Variants in STARD13 observed in about 807,000 individuals in gnomAD.
The protein encoded by STARD13 is stAR-related lipid transfer protein 13.
STARD13 carries 62 observed loss-of-function variants against 106.4 expected under a neutral mutation model. The observed-to-expected ratio is 0.58, with a 90% confidence interval of 0.48 to 0.72. The LOEUF is 0.72. Ranked by LOEUF, STARD13 falls within the 30% of genes least tolerant of loss-of-function variation. STARD13 has a pLI of 0.00. For synonymous variants in STARD13, 565 were observed against 553.0 expected (o/e 1.02, Z -0.31); for missense variants, 1,387 against 1,424.0 (o/e 0.97, Z 0.42).
chr13:33,556,839 C>G, the STARD13 span, among the ~76,000 whole-genome samples: 1 of 152,018 alleles, frequency 6.6e-6, no homozygotes, highest in Non-Finnish European at 1.5e-5. Context: ...GTGATCTTGG[C>G]TTCTCCTGGG....
chr13:33,127,993 A>T (rs1434154809), intron 5 of STARD13, among the ~76,000 whole-genome samples: 1 of 119,332 alleles, frequency 8.4e-6, no homozygotes, highest in Non-Finnish European at 2.0e-5. Context: ...GATAGAAAAG[A>T]GAGAGACAGA....
At chr13:33,341,013 T>C (rs1352075853) in intron 1 of STARD13, among the ~76,000 whole-genome samples, 2 of 152,178 alleles carry the variant, frequency 1.3e-5, no homozygotes, top group Non-Finnish European at 2.9e-5. Context: ...GTGACAAAAA[T>C]GTTTGTCCTT....
chr13:33,311,319 A>G (rs1468987410), intron 1 of STARD13, among the ~76,000 whole-genome samples: 1 of 152,042 alleles, frequency 6.6e-6, no homozygotes, highest in Non-Finnish European at 1.5e-5. Flanking sequence ...CTAAAAATAA[A>G]AAGATAAAAA....
the STARD13 span, among the ~76,000 whole-genome samples, chr13:33,470,428 G>T: frequency 1.2e-4 from 18 of 152,234 alleles, no homozygotes; most frequent in African/African-American, 4.1e-4. Flanking sequence ...TAATCCTTTG[G>T]ATATATACCC....
chr13:33,516,030 T>A, the STARD13 span, among the ~76,000 whole-genome samples: 1 of 151,754 alleles, frequency 6.6e-6, no homozygotes, highest in Non-Finnish European at 1.5e-5. Context: ...TGCATATGAC[T>A]TTCACTCTTA....
intron 4 of STARD13, among the ~76,000 whole-genome samples, 157 bp downstream of exon 4, chr13:33,142,153 C>T (rs948805512): frequency 1.3e-5 from 2 of 152,158 alleles, no homozygotes; most frequent in Non-Finnish European, 2.9e-5. Context: ...CTCAGCCTCT[C>T]GATAGCTGGG....
chr13:33,308,524 T>C (rs866733852), intron 1 of STARD13, among the ~76,000 whole-genome samples: 83 of 138,242 alleles, frequency 6.0e-4, no homozygotes, highest in African/African-American at 1.8e-3. Context: ...TTCTTTCTTT[T>C]TTTTTTTTTT....
the STARD13 span, among the ~76,000 whole-genome samples, chr13:33,418,196 G>T: frequency 6.6e-6 from 1 of 152,156 alleles, no homozygotes; most frequent in African/African-American, 2.4e-5. Context: ...AAGAGAAGCC[G>T]TGACAGACTG....
the STARD13 span, among the ~76,000 whole-genome samples, chr13:33,416,717 A>C: frequency 1.3e-5 from 2 of 152,244 alleles, no homozygotes; most frequent in Admixed American, 6.5e-5. Flanking sequence ...ACCTAAATGT[A>C]AATGCTAAAA....
At chr13:33,364,736 A>G in the STARD13 span, among the ~76,000 whole-genome samples, 1 of 152,104 alleles carries the variant, frequency 6.6e-6, no homozygotes, top group Non-Finnish European at 1.5e-5. Context: ...AAAAATACAG[A>G]AAATTAGCCA....
chr13:33,424,316 A>C, the STARD13 span, among the ~76,000 whole-genome samples: 116 of 152,198 alleles, frequency 7.6e-4, no homozygotes, highest in African/African-American at 2.5e-3. Flanking sequence ...CTTCAGGGAA[A>C]TTTTTACAGA....
the STARD13 span, among the ~76,000 whole-genome samples, chr13:33,517,633 A>G: frequency 6.6e-6 from 1 of 152,148 alleles, no homozygotes; most frequent in East Asian, 1.9e-4. Flanking sequence ...GTTAATTAAA[A>G]GGGATGGCCA....
the STARD13 span, chr13:33,524,100 TA>T: frequency 3.8e-6 from 1 of 261,836 alleles, no homozygotes; most frequent in Non-Finnish European, 6.6e-6. Context: ...TAGTTAATGC[TA>T]ATGTTAAGTT....
At chr13:33,270,290 T>G (rs1891095439) in intron 1 of STARD13, among the ~76,000 whole-genome samples, 1 of 152,094 alleles carries the variant, frequency 6.6e-6, no homozygotes, top group Non-Finnish European at 1.5e-5. Context: ...TATTCCCATA[T>G]CCTTGAGGAG....
At chr13:33,673,892 G>A in the STARD13 span, among the ~76,000 whole-genome samples, 2 of 145,198 alleles carry the variant, frequency 1.4e-5, no homozygotes, top group Non-Finnish European at 3.0e-5. Flanking sequence ...AGGAAGAGTC[G>A]CTCTGTCTCC....
At chr13:33,394,530 C>G in the STARD13 span, among the ~76,000 whole-genome samples, 1 of 152,104 alleles carries the variant, frequency 6.6e-6, no homozygotes, top group Non-Finnish European at 1.5e-5. Context: ...CCTGGATCTG[C>G]TAGGGCCTAG....
At chr13:33,505,825 C>T in the STARD13 span, among the ~76,000 whole-genome samples, 5 of 152,250 alleles carry the variant, frequency 3.3e-5, no homozygotes, top group East Asian at 9.6e-4. Flanking sequence ...TCAGTTCTTA[C>T]ATGATATAGC....
At chr13:33,117,941 G>T (rs1309496304) in intron 8 of STARD13, 124 bp downstream of exon 8, 2 of 1,503,380 alleles carry the variant, frequency 1.3e-6, no homozygotes, top group East Asian at 2.3e-5. Flanking sequence ...GAGGAGAGCA[G>T]GATTACATAC....
the STARD13 span, among the ~76,000 whole-genome samples, chr13:33,591,960 T>C: frequency 6.6e-6 from 1 of 152,208 alleles, no homozygotes; most frequent in South Asian, 2.1e-4. Context: ...TATTATGCAT[T>C]ACCTGTTAGA....
Sources: gnomAD v4.1 joint callset for allele counts (sites outside exome capture counted in the v4.1 genomes callset) on GRCh38, gnomAD v4.1.1 for gene constraint, MANE v1.5 for transcripts, NCBI Gene and HGNC (gene_info 2026-07-23, HGNC 2026-07-21) for gene names.